EXOC2: variants seen among roughly 807,000 people sequenced by gnomAD.
EXOC2 encodes SEC5-like 1.
In EXOC2, 70 loss-of-function variants were observed where a neutral mutation model predicts 131.8. That is an observed-to-expected ratio of 0.53 (90% confidence interval 0.44 to 0.65). EXOC2 has a LOEUF of 0.65. EXOC2 is among the 30% of genes least tolerant of loss of function. EXOC2 has a pLI of 0.00. For missense variants in EXOC2, 923 were observed against 1,108.6 expected (o/e 0.83, Z 2.38); for synonymous variants, 411 against 398.4 (o/e 1.03, Z -0.38).
At chr6:528,218 T>A (rs1765861323) in intron 23 of EXOC2, among the ~76,000 whole-genome samples, 2 of 152,238 alleles carry the variant, frequency 1.3e-5, no homozygotes, top group South Asian at 4.1e-4. Flanking sequence ...ACTGGATTTT[T>A]TTTTTTAATC....
chr6:550,471 T>C (rs1343722749), intron 21 of EXOC2, among the ~76,000 whole-genome samples: 1 of 152,210 alleles, frequency 6.6e-6, no homozygotes, highest in Non-Finnish European at 1.5e-5. Context: ...TACCTGTTTC[T>C]AGTCATCAAC....
intron 1 of EXOC2, among the ~76,000 whole-genome samples, chr6:684,756 G>C (rs552403188): frequency 2.9e-4 from 44 of 152,022 alleles, no homozygotes; most frequent in African/African-American, 1.0e-3. Flanking sequence ...CAGAACTTCA[G>C]ACTAAAAATA....
intron 13 of EXOC2, among the ~76,000 whole-genome samples, chr6:567,618 T>G (rs1397158372): frequency 5.9e-5 from 9 of 151,612 alleles, no homozygotes; most frequent in Admixed American, 4.6e-4. Context: ...TTTATATGCA[T>G]GTGTTATACA....
At position 532,463 on chromosome 6, in the gene EXOC2, A is replaced by T. The variant is rs1481399115; in HGVS notation, c.2380+6T>A. On this transcript the variant is annotated splice_donor_region_variant and intron_variant, in intron 23 of 27. Transcript: ENST00000230449. Reference sequence around the variant, plus strand: ...CATCTATTACTCAAGAAACTTTATTACTTACCTGTTGGAGGCAGGCAGTCC... The same window carrying T: ...CATCTATTACTCAAGAAACTTTATTTCTTACCTGTTGGAGGCAGGCAGTCC... 8 of 1,571,456 alleles carry T rather than the reference A, an allele frequency of 5.1e-6. No homozygotes were observed. Among genetic ancestry groups the T allele is most frequent in the Non-Finnish European group, 6.0e-6 (7 of 1,165,074 alleles).
chr6:633,631 T>G (rs9378442), intron 2 of EXOC2, among the ~76,000 whole-genome samples: 102,377 of 152,030 alleles, frequency 0.67, 34,934 homozygotes, highest in Middle Eastern at 0.83. Context: ...GTTTTTTATT[T>G]AAGCATAACC....
chr6:682,290 TC>T (rs1168321237), intron 1 of EXOC2, among the ~76,000 whole-genome samples: 1 of 151,608 alleles, frequency 6.6e-6, no homozygotes, highest in East Asian at 1.9e-4. Context: ...AGCTCTGCCT[TC>T]CGGGTTCATG....
intron 11 of EXOC2, among the ~76,000 whole-genome samples, chr6:591,618 T>C (rs1012350131): frequency 6.6e-6 from 1 of 152,158 alleles, no homozygotes; most frequent in Non-Finnish European, 1.5e-5. Context: ...CCCAGTCATA[T>C]GAAACAGCAC....
chr6:556,057 A>G, intron 18 of EXOC2, 44 bp from the exon 19 acceptor site: 5 of 1,584,330 alleles, frequency 3.2e-6, no homozygotes, highest in Non-Finnish European at 4.3e-6. Context: ...CTTTGCTAAG[A>G]AAAGGTTTTT....
At chr6:665,774 TG>T (rs1177939091) in intron 1 of EXOC2, among the ~76,000 whole-genome samples, 3 of 136,864 alleles carry the variant, frequency 2.2e-5, no homozygotes, top group Non-Finnish European at 3.1e-5. Context: ...TTTGGGTACT[TG>T]GGGGGAAGAG....
At chr6:635,716 G>A (rs1762067333) in intron 2 of EXOC2, among the ~76,000 whole-genome samples, 1 of 152,178 alleles carries the variant, frequency 6.6e-6, no homozygotes, top group South Asian at 2.1e-4. Context: ...TTAAAAAATG[G>A]TTTCTTGGCA....
At chr6:583,247 T>C (rs1395629933) in intron 11 of EXOC2, among the ~76,000 whole-genome samples, 1 of 152,166 alleles carries the variant, frequency 6.6e-6, no homozygotes, top group Non-Finnish European at 1.5e-5. Context: ...TAGCATTCAA[T>C]GTGTGTTTGA....
intron 10 of EXOC2, among the ~76,000 whole-genome samples, chr6:597,472 G>A (rs948161687): frequency 6.6e-6 from 1 of 152,156 alleles, no homozygotes; most frequent in African/African-American, 2.4e-5. Context: ...GAGCCACGGT[G>A]CCCGGCCCAA....
intron 23 of EXOC2, among the ~76,000 whole-genome samples, chr6:501,213 T>TC (rs1420459843): frequency 6.7e-5 from 2 of 30,060 alleles, no homozygotes; most frequent in South Asian, 8.6e-4. Context: ...TATATATATA[T>TC]TATATATATC....
chr6:586,822 T>C (rs943666564), intron 11 of EXOC2, among the ~76,000 whole-genome samples: 10 of 152,178 alleles, frequency 6.6e-5, no homozygotes, highest in African/African-American at 2.4e-4. Flanking sequence ...ACGGAGGACG[T>C]GTCTGGACAC....
At chr6:638,584 A>G (rs1561956904) in intron 1 of EXOC2, among the ~76,000 whole-genome samples, 1 of 152,248 alleles carries the variant, frequency 6.6e-6, no homozygotes, top group Non-Finnish European at 1.5e-5. Flanking sequence ...TGTAAAGAAC[A>G]TACAGGATAA....
Position 675,691 on chromosome 6 carries a change from G to T in EXOC2, c.-44+17328C>A, listed in dbSNP as rs374372777. Reference sequence around the variant, plus strand: ...CTCTTCAACATTACGGAAAGGACAGGTTCCTCTGGAGACTGCGGTTCCCCA... The same window carrying T: ...CTCTTCAACATTACGGAAAGGACAGTTTCCTCTGGAGACTGCGGTTCCCCA... On this transcript the variant is annotated intron_variant, in intron 1 of 27. Transcript: ENST00000230449. Among the ~76,000 whole-genome samples the T allele has an allele frequency of 1.4e-3, 161 of 112,570 alleles. 5 individuals carry two copies. The highest frequency in any genetic ancestry group is 4.8e-3 in the African/African-American group (155 of 32,024). The allele number at this position is 112,570 out of a possible 152,430, so 73.9% of individuals were successfully genotyped here. A position where few individuals can be genotyped will look rare whatever the true frequency, so the allele number is the denominator to read the frequency against.
chr6:624,591 G>A (rs1401402910), intron 4 of EXOC2, among the ~76,000 whole-genome samples: 1 of 152,176 alleles, frequency 6.6e-6, no homozygotes, highest in East Asian at 1.9e-4. Flanking sequence ...GCCTCTGAGA[G>A]GTTATATGTA....
chr6:543,286 AAAG>A (rs1158789859), intron 22 of EXOC2, among the ~76,000 whole-genome samples: 6 of 152,374 alleles, frequency 3.9e-5, no homozygotes, highest in East Asian at 3.9e-4. Flanking sequence ...ACACAGCCTT[AAAG>A]AAGAAGGAAA....
chr6:550,487 T>C (rs1324353631), intron 21 of EXOC2, among the ~76,000 whole-genome samples: 1 of 152,158 alleles, frequency 6.6e-6, no homozygotes. Flanking sequence ...TCAACAAACA[T>C]AAGTAAAAGG....
Sources: allele counts gnomAD v4.1 joint callset (sites outside exome capture counted in the v4.1 genomes callset), GRCh38; gene constraint gnomAD v4.1.1; transcripts MANE v1.5; gene names NCBI Gene and HGNC (gene_info 2026-07-23, HGNC 2026-07-21).